The following SLC4A5 variants were observed in gnomAD, a reference collection of about 807,000 sequenced individuals.
SLC4A5 encodes the protein electrogenic sodium bicarbonate cotransporter 4.
SLC4A5 carries 96 observed loss-of-function variants against 120.4 expected under a neutral mutation model. The observed-to-expected ratio is 0.80, with a 90% CI of 0.68 to 0.94. SLC4A5 has a LOEUF of 0.94. Among genes scored for constraint, SLC4A5 ranks in the 40% least tolerant of loss-of-function variants. The pLI, the probability that SLC4A5 is intolerant of heterozygous loss-of-function variation, is 0.00. For synonymous variants in SLC4A5, 550 were observed against 571.1 expected, an observed-to-expected ratio of 0.96 and a Z score of 0.53; for missense variants, 1,259 against 1,459.5, an observed-to-expected ratio of 0.86 and a Z score of 2.24.
At chr2:74,232,348 C>G (rs1293956933) in intron 24 of SLC4A5, 121 bp downstream of exon 24, 4 of 1,167,784 alleles carry the variant, frequency 3.4e-6, no homozygotes, top group Non-Finnish European at 4.9e-6. Context: ...CCCTGTGGTT[C>G]TTGGGCCGTC....
chr2:74,257,724 T>C (rs973528233), intron 12 of SLC4A5, among the ~76,000 whole-genome samples: 2 of 151,590 alleles, frequency 1.3e-5, no homozygotes, highest in Non-Finnish European at 2.9e-5. Flanking sequence ...ACTACAGGCA[T>C]GTGCCACCAC....
rs575827022 is a variant in SLC4A5 at position 74,263,798 on chromosome 2, G to A, written c.715+349C>T. ...CTGTGTGACATAAGAATCTCTTGGG[G>A]TGCATTCTAACTTCTCTTTTTCTAG... is the stretch of plus-strand genomic sequence containing the variant. On this transcript the variant is annotated intron_variant, in intron 10 of 30. Coordinates refer to ENST00000394019, the Ensembl canonical transcript of SLC4A5. 2.6e-5 allele frequency among the ~76,000 whole-genome samples: 4 copies of A among 152,282 alleles called. 1 individual carries two copies. The highest frequency in any genetic ancestry group is 6.8e-3 in the Middle Eastern group (2 of 294).
intron 28 of SLC4A5, among the ~76,000 whole-genome samples, chr2:74,223,220 G>T (rs2103875128): frequency 6.6e-6 from 1 of 152,186 alleles, no homozygotes; most frequent in South Asian, 2.1e-4. Flanking sequence ...TGGCCAGGCT[G>T]GTCTTGAACT....
intron 5 of SLC4A5, among the ~76,000 whole-genome samples, chr2:74,316,644 T>C (rs1417033226): frequency 1.3e-5 from 2 of 152,222 alleles, no homozygotes; most frequent in African/African-American, 4.8e-5. Flanking sequence ...ACGCCTACAC[T>C]TGAAGAATAA....
At chr2:74,219,182 T>TGG in intron 30 of SLC4A5, among the ~76,000 whole-genome samples, 1 of 88,972 alleles carries the variant, frequency 1.1e-5, no homozygotes, top group Middle Eastern at 6.2e-3. Context: ...TGGAGGTGTG[T>TGG]GTGTGTGTGT....
intron 8 of SLC4A5, among the ~76,000 whole-genome samples, chr2:74,281,782 CT>C (rs1269035969): frequency 6.6e-6 from 1 of 152,210 alleles, no homozygotes; most frequent in Non-Finnish European, 1.5e-5. Flanking sequence ...GATTTTCACT[CT>C]GTTAATCTCC....
chr2:74,294,828 C>A (rs112332595), intron 7 of SLC4A5, among the ~76,000 whole-genome samples: 9 of 152,102 alleles, frequency 5.9e-5, no homozygotes, highest in African/African-American at 2.2e-4. Flanking sequence ...TCTGCCACCA[C>A]GCCCGGCTAA....
intron 12 of SLC4A5, among the ~76,000 whole-genome samples, chr2:74,257,156 C>T (rs1337900253): frequency 6.6e-6 from 1 of 152,006 alleles, no homozygotes; most frequent in Non-Finnish European, 1.5e-5. Flanking sequence ...CATGTGGGGG[C>T]ATCATACACA....
intron 12 of SLC4A5, among the ~76,000 whole-genome samples, chr2:74,257,953 G>A (rs986145224): frequency 6.6e-6 from 1 of 152,222 alleles, no homozygotes; most frequent in African/African-American, 2.4e-5. Context: ...GTTGTGACAT[G>A]TTTGGTAAGA....
chr2:74,291,894 C>T (rs1322659491), intron 7 of SLC4A5, among the ~76,000 whole-genome samples: 1 of 152,206 alleles, frequency 6.6e-6, no homozygotes, highest in African/African-American at 2.4e-5. Flanking sequence ...TTCTGAGTGG[C>T]CACAGCAGGC....
exon 17 of SLC4A5, chr2:74,250,459 A>C (rs894429508): frequency 1.9e-6 from 3 of 1,614,128 alleles, no homozygotes; most frequent in African/African-American, 1.3e-5. Flanking sequence ...CCATCATAGA[A>C]GTCACTTGGG....
rs767197503 is a variant in SLC4A5, at chr2:74,252,967, T to A, written c.1268+7A>T. ...TTTCTCTCCCTACTGCCCATTCTCA[T>A]ACACACCTCTTGTCAGCAGAGGGCA... is the stretch of plus-strand genomic sequence containing the variant. On this transcript the variant is annotated splice_region_variant and intron_variant, in intron 15 of 30. Transcript: ENST00000394019. The A allele has an allele frequency of 2.5e-6, 4 of 1,614,170 alleles. No individual in the cohort carries two copies. Among genetic ancestry groups the A allele is most frequent in the South Asian group, 2.2e-5 (2 of 91,086 alleles).
intron 5 of SLC4A5, among the ~76,000 whole-genome samples, chr2:74,321,928 A>G (rs1460818842): frequency 6.6e-6 from 1 of 151,964 alleles, no homozygotes; most frequent in Non-Finnish European, 1.5e-5. Flanking sequence ...GTGGAAGTCC[A>G]TTGGGTAAGA....
chr2:74,224,977 CGAT>C lies in SLC4A5; in HGVS notation c.3106_3108del (p.Ile1036del), dbSNP rs772730495. 7 of 1,614,042 alleles carry C rather than the reference CGAT, an allele frequency of 4.3e-6. 1 individual carries two copies. The South Asian group carries it at 5.5e-5, about 13-fold the overall frequency. On this transcript the variant is annotated inframe_deletion, in exon 28 of 31. Transcript: ENST00000394019. The stretch of plus-strand genomic sequence containing the variant: ...AAGATGAAATCCAGAAGCCTTCGAA[CGAT>C]GATGAGGCCCAGGATCTGTGGTGGA...
At chr2:74,342,665 G>A (rs1027680131) in intron 1 of SLC4A5, 131 bp from the exon 2 acceptor site, 1 of 152,142 alleles carries the variant, frequency 6.6e-6, no homozygotes, top group Admixed American at 6.5e-5. Flanking sequence ...CTGATCTCCA[G>A]GACTCCTGAT....
chr2:74,248,571 G>C (rs1273665408), intron 17 of SLC4A5, 85 bp from the exon 18 acceptor site: 6 of 1,498,540 alleles, frequency 4.0e-6, no homozygotes, highest in Non-Finnish European at 9.1e-7. Flanking sequence ...ATCTCTCCAC[G>C]GGCCCAGGCC....
chr2:74,287,400 C>T lies in SLC4A5; in HGVS notation c.272-1498G>A, dbSNP rs1044792469. ...TCCAGCTAGACAAGGGTGTGAGTCTCGGGGCTGCCACTTATTCACAAGCGA... is the reference window on the plus strand; with the variant it reads ...TCCAGCTAGACAAGGGTGTGAGTCTTGGGGCTGCCACTTATTCACAAGCGA... On this transcript the variant is annotated intron_variant, in intron 7 of 30. Transcript: ENST00000394019. Among the ~76,000 whole-genome samples the T allele has an allele frequency of 2.1e-4, 32 of 152,060 alleles. 3 individuals are homozygous for T. In the South Asian group the frequency reaches 5.6e-3, roughly 27 times the overall value.
chr2:74,234,060 AAAACAAAC>A lies in SLC4A5; in HGVS notation c.2434-505_2434-498del, dbSNP rs199710290. 4.0e-5 allele frequency among the ~76,000 whole-genome samples: 6 copies of A among 151,622 alleles called. No homozygotes were observed. The South Asian group carries it at 1.0e-3, about 26-fold the overall frequency. Reference sequence around the variant, plus strand: ...AATATATAAAAAGACTTTGTCTCAAAAAACAAACAAACAAACAACAACAAAAAAAACCT... The same window carrying A: ...AATATATAAAAAGACTTTGTCTCAAAAAACAAACAACAACAAAAAAAACCT... On this transcript the variant is annotated intron_variant, in intron 22 of 30. Coordinates refer to ENST00000394019, the Ensembl canonical transcript of SLC4A5.
chr2:74,302,468 T>C (rs1424145451), intron 7 of SLC4A5, among the ~76,000 whole-genome samples: 1 of 151,946 alleles, frequency 6.6e-6, no homozygotes. Context: ...AATACAAAAA[T>C]TAGCTGGGCG....
Sources: allele counts gnomAD v4.1 joint callset (sites outside exome capture counted in the v4.1 genomes callset), GRCh38; gene constraint gnomAD v4.1.1; transcripts MANE v1.5; gene names NCBI Gene and HGNC (gene_info 2026-07-23, HGNC 2026-07-21).